The following DNAH14 variants were observed in gnomAD, a reference collection of about 807,000 sequenced individuals.
DNAH14 encodes axonemal beta dynein heavy chain 14.
In DNAH14, 478 loss-of-function variants were observed where a neutral mutation model predicts 520.9. The ratio of observed to expected loss-of-function variants is 0.92; its 90% CI spans 0.85 to 0.99. The LOEUF (loss-of-function observed/expected upper bound fraction) is 0.99, where lower values mean the gene tolerates loss of function less well. Among genes scored for constraint, DNAH14 ranks in the 50% least tolerant of loss-of-function variants. The pLI is 0.00. For synonymous variants in DNAH14, 1,581 were observed against 1,757.2 expected (o/e 0.90, Z 2.51); for missense variants, 4,831 against 5,234.5 (o/e 0.92, Z 2.38).
intron 36 of DNAH14, among the ~76,000 whole-genome samples, chr1:225,179,855 A>G (rs867782351): frequency 2.4e-4 from 37 of 151,844 alleles, no homozygotes; most frequent in Non-Finnish European, 4.7e-4. Context: ...ACTCTCCTTC[A>G]TGTTAGAAGA....
chr1:225,253,316 C>T (rs2149716105), intron 44 of DNAH14, among the ~76,000 whole-genome samples: 1 of 152,244 alleles, frequency 6.6e-6, no homozygotes. Context: ...TTGCATGTGA[C>T]TCCACATCTT....
intron 76 of DNAH14, among the ~76,000 whole-genome samples, chr1:225,367,510 A>G (rs2095568720): frequency 1.3e-5 from 2 of 152,238 alleles, no homozygotes; most frequent in Admixed American, 1.3e-4. Flanking sequence ...CTTCATTGTC[A>G]AAGTTCCTAA....
chr1:225,175,493 T>C (rs1158346433), intron 36 of DNAH14, among the ~76,000 whole-genome samples: 1 of 152,006 alleles, frequency 6.6e-6, no homozygotes, highest in Non-Finnish European at 1.5e-5. Flanking sequence ...TAATGTCTCC[T>C]TTTTCTTCTC....
In DNAH14 at chr1:225,206,017, T is replaced by C; in HGVS notation, c.6024T>C (p.Phe2008=). The part of the protein sequence containing the change: ...WIILDGPVDT[F]WVENLNSVLD... ...TCCTAGATGGCCCAGTGGACACCTT[T>C]TGGGTAGAAAATCTGAACTCTGTGC... Residue 2008 remains phenylalanine (F), a synonymous_variant, in exon 40 of 86, where the codon TTT becomes TTC. Coordinates refer to ENST00000682510, the MANE Select transcript of DNAH14 (RefSeq NM_001367479.1). 6.4e-7 allele frequency: 1 copy of C among 1,551,658 alleles called. No homozygotes were observed. Among genetic ancestry groups the C allele is most frequent in the Admixed American group, 2.0e-5 (1 of 50,990 alleles).
chr1:224,954,536 A>G (rs1486950914), intron 2 of DNAH14: 3 of 153,160 alleles, frequency 2.0e-5, no homozygotes, highest in Non-Finnish European at 1.5e-5. Context: ...TGAGTATGAA[A>G]TTTCAGAAAA....
chr1:225,257,661 G>A (rs1347678917), intron 44 of DNAH14, among the ~76,000 whole-genome samples: 2 of 151,060 alleles, frequency 1.3e-5, no homozygotes, highest in Admixed American at 6.6e-5. Flanking sequence ...TCAGCCTCCC[G>A]AGTAGCTGGG....
At chr1:225,145,220 C>T in intron 29 of DNAH14, 106 bp from the exon 30 acceptor site, 1 of 848,118 alleles carries the variant, frequency 1.2e-6, no homozygotes, top group Non-Finnish European at 1.8e-6. Flanking sequence ...CTCCATATTG[C>T]AAAGTTTTCT....
chr1:225,081,699 A>G (rs564930604), intron 19 of DNAH14, among the ~76,000 whole-genome samples: 19 of 152,256 alleles, frequency 1.2e-4, no homozygotes, highest in Middle Eastern at 6.8e-3. Context: ...TTTTGAGTGT[A>G]TGGGTGAAGT....
intron 10 of DNAH14, among the ~76,000 whole-genome samples, chr1:225,016,057 A>G (rs1212297582): frequency 6.6e-6 from 1 of 152,200 alleles, no homozygotes; most frequent in African/African-American, 2.4e-5. Context: ...AAGGAACACA[A>G]AAAGGTCAAC....
At chr1:225,180,754 A>G (rs1573781988) in intron 36 of DNAH14, among the ~76,000 whole-genome samples, 2 of 152,174 alleles carry the variant, frequency 1.3e-5, no homozygotes, top group South Asian at 4.1e-4. Flanking sequence ...TGTACTTTCA[A>G]ATAGCCTGTC....
intron 11 of DNAH14, among the ~76,000 whole-genome samples, chr1:225,027,831 T>C (rs574640468): frequency 7.3e-5 from 11 of 150,488 alleles, no homozygotes; most frequent in African/African-American, 2.2e-4. Context: ...TTCTTGAATG[T>C]TTTTGTCATG....
chr1:225,331,428 A>G lies in DNAH14; in HGVS notation c.9724-9A>G. 39 of 1,547,876 alleles carry G rather than the reference A, an allele frequency of 2.5e-5. No individual in the cohort carries two copies. Among genetic ancestry groups the G allele is most frequent in the Non-Finnish European group, 3.4e-5 (39 of 1,145,330 alleles). ...TATTTTTCTCAATAATGAATTAATT[A>G]TCTTTCAGGTTGAAGAACATTTGCT... is the stretch of plus-strand genomic sequence containing the variant. On this transcript the variant is annotated splice_polypyrimidine_tract_variant and intron_variant, in intron 64 of 85. Transcript: ENST00000682510.
chr1:225,278,487 C>T (rs947356046), intron 54 of DNAH14, among the ~76,000 whole-genome samples: 8 of 152,268 alleles, frequency 5.3e-5, no homozygotes, highest in South Asian at 2.1e-4. Flanking sequence ...TGTTCCCTAA[C>T]GCACCTCTTT....
chr1:225,362,718 A>T (rs963484414), intron 75 of DNAH14, among the ~76,000 whole-genome samples: 4 of 152,176 alleles, frequency 2.6e-5, no homozygotes, highest in Non-Finnish European at 4.4e-5. Flanking sequence ...AGAAAAAGAA[A>T]TTCATACTTC....
chr1:225,163,337 G>T (rs775077630), intron 35 of DNAH14, among the ~76,000 whole-genome samples: 42 of 151,942 alleles, frequency 2.8e-4, no homozygotes, highest in Non-Finnish European at 6.0e-4. Flanking sequence ...TTCCAGTTTG[G>T]ATGCCCTTTA....
intron 17 of DNAH14, among the ~76,000 whole-genome samples, chr1:225,067,199 TA>T (rs771300160): frequency 6.6e-6 from 1 of 152,208 alleles, no homozygotes; most frequent in Non-Finnish European, 1.5e-5. Flanking sequence ...CTCCTGCTTA[TA>T]AGTGAGAACA....
At chr1:225,035,071 A>G (rs1184737571) in intron 11 of DNAH14, among the ~76,000 whole-genome samples, 2 of 151,566 alleles carry the variant, frequency 1.3e-5, no homozygotes, top group African/African-American at 4.8e-5. Context: ...GTGTGTGTGC[A>G]TGTGTCTCAA....
chr1:225,063,465 G>A (rs938871413), intron 17 of DNAH14, among the ~76,000 whole-genome samples: 8 of 152,016 alleles, frequency 5.3e-5, no homozygotes, highest in African/African-American at 1.9e-4. Flanking sequence ...CTATGGATGC[G>A]AAAGCCACAG....
Position 225,050,276 on chromosome 1 carries a change from A to T in DNAH14, c.1979A>T (p.Asp660Val). 1 of 1,550,326 alleles carries T rather than the reference A, an allele frequency of 6.5e-7. No homozygotes were observed. Among genetic ancestry groups the T allele is most frequent in the South Asian group, 1.2e-5 (1 of 83,450 alleles). ...TTCATTGATTTGGTTTCAATAATGG[A>T]TTTACCTAATAAGACAGGAAGCATA... ...SIFIDLVSIM[D>V]LPNKTGSIIH... The change falls in exon 16 of 86, where the codon GAT becomes GTT. Residue 660 changes from aspartate to valine, a missense_variant. Transcript: ENST00000682510.
Sources: allele counts gnomAD v4.1 joint callset (sites outside exome capture counted in the v4.1 genomes callset), GRCh38; gene constraint gnomAD v4.1.1; transcripts MANE v1.5; gene names NCBI Gene and HGNC (gene_info 2026-07-23, HGNC 2026-07-21).